The following RIMS2 variants were observed in gnomAD, a reference collection of about 807,000 sequenced individuals.
The protein encoded by RIMS2 is regulating synaptic membrane exocytosis protein 2.
In RIMS2, 59 loss-of-function variants were observed where a neutral mutation model predicts 174.4. The observed-to-expected ratio is 0.34, with a 90% CI of 0.27 to 0.42. The LOEUF (loss-of-function observed/expected upper bound fraction) is 0.42. RIMS2 is among the 10% of genes least tolerant of loss of function. RIMS2 has a pLI of 1.00. For missense variants in RIMS2, 1,620 were observed against 1,666.3 expected (o/e 0.97, Z 0.48); for synonymous variants, 606 against 572.5 (o/e 1.06, Z -0.84).
intron 19 of RIMS2, among the ~76,000 whole-genome samples, chr8:104,124,763 G>A (rs2098414994): frequency 6.6e-6 from 1 of 152,146 alleles, no homozygotes; most frequent in Non-Finnish European, 1.5e-5. Flanking sequence ...AGAATGTCCA[G>A]CTTTATGGAA....
At chr8:104,184,016 A>G (rs2098955031) in intron 19 of RIMS2, among the ~76,000 whole-genome samples, 1 of 151,484 alleles carries the variant, frequency 6.6e-6, no homozygotes, top group Non-Finnish European at 1.5e-5. Flanking sequence ...GAAACATTGT[A>G]TTTTTTCCTA....
intron 1 of RIMS2, among the ~76,000 whole-genome samples, chr8:103,667,844 G>C (rs2096692359): frequency 6.6e-6 from 1 of 152,184 alleles, no homozygotes; most frequent in Non-Finnish European, 1.5e-5. Context: ...ATAGTTCCAA[G>C]AGTCTGTAGG....
chr8:103,798,149 A>G (rs368949618), intron 3 of RIMS2, among the ~76,000 whole-genome samples: 1 of 152,200 alleles, frequency 6.6e-6, no homozygotes, highest in African/African-American at 2.4e-5. Flanking sequence ...AAGACAGTAG[A>G]AGATTCTCTG....
At chr8:103,625,670 T>C (rs1007413198) in intron 1 of RIMS2, among the ~76,000 whole-genome samples, 3 of 152,014 alleles carry the variant, frequency 2.0e-5, no homozygotes, top group Non-Finnish European at 2.9e-5. Context: ...GGTACAATGA[T>C]GAAAAAAAGC....
chr8:103,728,068 A>C (rs940777179), intron 2 of RIMS2, among the ~76,000 whole-genome samples: 1 of 152,124 alleles, frequency 6.6e-6, no homozygotes, highest in South Asian at 2.1e-4. Flanking sequence ...CGGTCCATGA[A>C]CATGGAATAT....
At chr8:104,133,576 TA>T in intron 19 of RIMS2, among the ~76,000 whole-genome samples, 1 of 152,288 alleles carries the variant, frequency 6.6e-6, no homozygotes, top group East Asian at 1.9e-4. Flanking sequence ...CAGACTGCCA[TA>T]AAATGATTTG....
At chr8:104,178,427 T>C (rs1193309728) in intron 19 of RIMS2, among the ~76,000 whole-genome samples, 1 of 152,148 alleles carries the variant, frequency 6.6e-6, no homozygotes, top group Non-Finnish European at 1.5e-5. Context: ...GCCTCTAATC[T>C]TTTCCACCTT....
In RIMS2 at chr8:103,624,136, AG is replaced by A. The variant is rs576465467; in HGVS notation, c.177-72944del. On this transcript the variant is annotated intron_variant, in intron 1 of 23. Transcript: ENST00000504942. ...TTTGATGTGTCAACTTGACTGGCCA[AG>A]GGGGGCCCAGATTAAACATTATCTT... 6.0e-4 allele frequency among the ~76,000 whole-genome samples: 92 copies of A among 152,324 alleles called. No individual in the cohort carries two copies. In the Middle Eastern group the frequency reaches 0.024, roughly 39 times the overall value.
intron 19 of RIMS2, among the ~76,000 whole-genome samples, chr8:104,205,096 C>G (rs555936319): frequency 6.6e-6 from 1 of 152,114 alleles, no homozygotes; most frequent in East Asian, 1.9e-4. Context: ...CCAGATCTAG[C>G]CATCTGGAGA....
intron 2 of RIMS2, among the ~76,000 whole-genome samples, chr8:103,703,163 T>C (rs1417281305): frequency 6.6e-6 from 1 of 151,992 alleles, no homozygotes; most frequent in Non-Finnish European, 1.5e-5. Flanking sequence ...TGATTTTTTT[T>C]GTAGAGATGA....
At chr8:104,118,163 GT>G (rs531617057) in intron 19 of RIMS2, among the ~76,000 whole-genome samples, 139 of 151,906 alleles carry the variant, frequency 9.2e-4, no homozygotes, top group African/African-American at 3.3e-3. Flanking sequence ...TATTTTACCT[GT>G]TTATTATAAT....
At chr8:104,139,559 A>G (rs561729348) in intron 19 of RIMS2, among the ~76,000 whole-genome samples, 1 of 151,888 alleles carries the variant, frequency 6.6e-6, no homozygotes, top group Non-Finnish European at 1.5e-5. Flanking sequence ...TCTTTTTCAG[A>G]TTGTTTACTG....
At chr8:103,834,679 T>TCTTCCTTC (rs199680612) in intron 3 of RIMS2, among the ~76,000 whole-genome samples, 6 of 44,238 alleles carry the variant, frequency 1.4e-4, no homozygotes, top group African/African-American at 2.1e-4. Flanking sequence ...GAGGTCTTTT[T>TCTTCCTTC]CTTTCTTTCT....
chr8:103,555,432 C>G (rs1260705499), intron 1 of RIMS2, among the ~76,000 whole-genome samples: 3 of 152,064 alleles, frequency 2.0e-5, no homozygotes, highest in Admixed American at 2.0e-4. Context: ...TAAGTTAGTA[C>G]AGCCATTATC....
At chr8:103,594,121 G>C (rs2094388803) in intron 1 of RIMS2, among the ~76,000 whole-genome samples, 1 of 151,586 alleles carries the variant, frequency 6.6e-6, no homozygotes, top group Non-Finnish European at 1.5e-5. Flanking sequence ...TACATGTGCA[G>C]AACAGTGAAA....
chr8:103,675,736 CT>C (rs201317775), intron 1 of RIMS2, among the ~76,000 whole-genome samples: 12 of 149,352 alleles, frequency 8.0e-5, no homozygotes, highest in Admixed American at 1.3e-4. Context: ...TTTAAAACTC[CT>C]TTTTTTTTTA....
At chr8:103,918,770 G>T in intron 9 of RIMS2, 2 of 269,934 alleles carry the variant, frequency 7.4e-6, no homozygotes, top group Non-Finnish European at 1.4e-5. Context: ...TACACAATTA[G>T]GTAAGTTTTG....
intron 3 of RIMS2, among the ~76,000 whole-genome samples, chr8:103,846,832 C>G (rs2098970266): frequency 6.6e-6 from 1 of 152,074 alleles, no homozygotes; most frequent in Non-Finnish European, 1.5e-5. Context: ...ATTTGGGTGA[C>G]ATACCTGGTA....
chr8:103,727,308 T>A (rs2138709598), intron 2 of RIMS2, among the ~76,000 whole-genome samples: 1 of 152,302 alleles, frequency 6.6e-6, no homozygotes, highest in Non-Finnish European at 1.5e-5. Flanking sequence ...TAGGGTGAAA[T>A]AATATATTCA....
Sources: allele counts gnomAD v4.1 joint callset (sites outside exome capture counted in the v4.1 genomes callset), GRCh38; gene constraint gnomAD v4.1.1; transcripts MANE v1.5; gene names NCBI Gene and HGNC (gene_info 2026-07-23, HGNC 2026-07-21).